CAST: variants seen among roughly 807,000 people sequenced by gnomAD.
CAST encodes the protein calpastatin.
A neutral mutation model predicts 119.6 loss-of-function variants in CAST; 76 were observed. That is an observed-to-expected ratio of 0.64 (90% CI 0.53 to 0.77). The LOEUF (loss-of-function observed/expected upper bound fraction) is 0.77. CAST is among the 30% of genes least tolerant of loss of function. CAST has a pLI of 0.00. For synonymous variants in CAST, 319 were observed against 331.6 expected (o/e 0.96, Z 0.41); for missense variants, 953 against 946.5 (o/e 1.01, Z -0.09).
At chr5:96,306,268 G>A in the CAST span, among the ~76,000 whole-genome samples, 11 of 152,160 alleles carry the variant, frequency 7.2e-5, no homozygotes, top group Non-Finnish European at 1.2e-4. Flanking sequence ...ATGGTAGTTT[G>A]TATTTCTTTG....
chr5:96,018,676 T>C, the CAST span, among the ~76,000 whole-genome samples: 3 of 152,196 alleles, frequency 2.0e-5, no homozygotes, highest in African/African-American at 7.2e-5. Flanking sequence ...AAGTAGAGAA[T>C]GGAACTCTCT....
chr5:96,685,859 CTTTT>C, intron 2 of CAST, among the ~76,000 whole-genome samples: 1 of 152,226 alleles, frequency 6.6e-6, no homozygotes, highest in Non-Finnish European at 1.5e-5. Context: ...TGCCAGTGGT[CTTTT>C]GAGCACATTT....
intron 22 of CAST, among the ~76,000 whole-genome samples, chr5:96,755,818 T>C (rs112695658): frequency 1.3e-5 from 2 of 152,210 alleles, no homozygotes; most frequent in Non-Finnish European, 2.9e-5. Context: ...GCGTTTCTAT[T>C]AATTTGGGCT....
chr5:96,652,097 T>C (rs542451374), intron 1 of CAST, among the ~76,000 whole-genome samples: 1 of 152,308 alleles, frequency 6.6e-6, no homozygotes, highest in Non-Finnish European at 1.5e-5. Context: ...CCATATGCAA[T>C]TGAATCCAAA....
chr5:96,264,348 T>C, the CAST span, among the ~76,000 whole-genome samples: 4 of 152,240 alleles, frequency 2.6e-5, no homozygotes, highest in East Asian at 7.7e-4. Context: ...TTTATCACCA[T>C]ACTTAATAAC....
the CAST span, among the ~76,000 whole-genome samples, chr5:96,501,547 C>A: frequency 6.6e-6 from 1 of 152,158 alleles, no homozygotes; most frequent in Non-Finnish European, 1.5e-5. Flanking sequence ...TTTGTGATAG[C>A]TGCAAAAATA....
intron 1 of CAST, among the ~76,000 whole-genome samples, chr5:96,550,003 C>T (rs901985000): frequency 6.6e-6 from 1 of 152,230 alleles, no homozygotes; most frequent in Non-Finnish European, 1.5e-5. Context: ...AGGCAGCAGA[C>T]AACTTCTCCA....
chr5:96,120,765 T>A, the CAST span, among the ~76,000 whole-genome samples: 2 of 149,134 alleles, frequency 1.3e-5, no homozygotes, highest in East Asian at 1.9e-4. Flanking sequence ...TATATATATA[T>A]AAACTTTTGT....
At chr5:96,742,524 T>C in intron 15 of CAST, 131 bp from the exon 16 acceptor site, 2 of 631,830 alleles carry the variant, frequency 3.2e-6, no homozygotes, top group Non-Finnish European at 5.7e-6. Context: ...TCAAATAAAA[T>C]TGCCTTTCTA....
chr5:96,563,835 A>G (rs142283461), intron 1 of CAST, among the ~76,000 whole-genome samples: 8 of 152,296 alleles, frequency 5.3e-5, no homozygotes, highest in African/African-American at 1.7e-4. Context: ...TTCTGAGCCT[A>G]AACAGCCCTC....
the CAST span, among the ~76,000 whole-genome samples, chr5:95,976,631 G>C: frequency 6.6e-6 from 1 of 151,986 alleles, no homozygotes; most frequent in Non-Finnish European, 1.5e-5. Flanking sequence ...TTGACATCCA[G>C]GATACACACT....
the CAST span, among the ~76,000 whole-genome samples, chr5:96,027,388 C>T: frequency 4.6e-5 from 7 of 151,752 alleles, no homozygotes; most frequent in South Asian, 2.1e-4. Context: ...ATTTGATATT[C>T]GTTATAGCTT....
chr5:96,483,398 T>A, the CAST span, among the ~76,000 whole-genome samples: 1 of 152,198 alleles, frequency 6.6e-6, no homozygotes, highest in Admixed American at 6.5e-5. Context: ...CACTGCACTT[T>A]GTACCTAGTA....
the CAST span, among the ~76,000 whole-genome samples, chr5:96,441,461 C>T: frequency 9.1e-3 from 1,384 of 152,212 alleles, 7 homozygotes; most frequent in Non-Finnish European, 0.014. Context: ...AGTTTATCCA[C>T]GGCTCACAGG....
chr5:96,282,914 G>T, the CAST span, among the ~76,000 whole-genome samples: 1 of 151,690 alleles, frequency 6.6e-6, no homozygotes, highest in South Asian at 2.1e-4. Context: ...CGGATCACGA[G>T]GTCAGGAGAT....
chr5:96,547,033 T>C (rs1250720804), intron 1 of CAST, among the ~76,000 whole-genome samples: 1 of 152,020 alleles, frequency 6.6e-6, no homozygotes, highest in East Asian at 1.9e-4. Context: ...TCCTTGAAAA[T>C]TGATATGGAG....
Position 96,561,798 on chromosome 5 carries a change from T to TTTTTTTTTTG in CAST, c.60+31927_60+31928insGTTTTTTTTT, listed in dbSNP as rs1396826745. Among the ~76,000 whole-genome samples the TTTTTTTTTTG allele has an allele frequency of 3.6e-3, 313 of 86,610 alleles. 33 individuals are homozygous for TTTTTTTTTTG. The East Asian group carries it at 0.063, about 18-fold the overall frequency. The allele number at this position is 86,610 out of a possible 152,430, so 56.8% of individuals were successfully genotyped here. The stretch of plus-strand genomic sequence containing the variant: ...GTATTATATATATGTTTTTTTTTGT[T>TTTTTTTTTTG]TTTTTTTTTTTTGAGACGGAGTCTC... On this transcript the variant is annotated intron_variant, in intron 1 of 11. Coordinates refer to the CAST transcript ENST00000505143.
chr5:96,427,250 C>T, the CAST span, among the ~76,000 whole-genome samples: 11 of 152,064 alleles, frequency 7.2e-5, no homozygotes, highest in Non-Finnish European at 1.2e-4. Flanking sequence ...GGCACTCTGC[C>T]GTCTGATCAG....
the CAST span, among the ~76,000 whole-genome samples, chr5:96,445,482 G>A: frequency 4.6e-5 from 7 of 152,180 alleles, no homozygotes; most frequent in African/African-American, 1.7e-4. Flanking sequence ...GTTCCCTTTT[G>A]AATGTATTCT....
Sources: allele counts gnomAD v4.1 joint callset (sites outside exome capture counted in the v4.1 genomes callset), GRCh38; gene constraint gnomAD v4.1.1; transcripts MANE v1.5; gene names NCBI Gene and HGNC (gene_info 2026-07-23, HGNC 2026-07-21).